LUC7L2: variants seen among roughly 807,000 people sequenced by gnomAD.
LUC7L2 encodes putative RNA-binding protein Luc7-like 2.
A neutral mutation model predicts 52.8 loss-of-function variants in LUC7L2; 25 were observed. The observed-to-expected ratio is 0.47, with a 90% CI of 0.34 to 0.66. The LOEUF is 0.66. Among genes scored for constraint, LUC7L2 ranks in the 30% least tolerant of loss-of-function variants. The pLI, the probability that LUC7L2 is intolerant of heterozygous loss-of-function variation, is 0.01. For missense variants in LUC7L2, 328 were observed against 497.8 expected, an observed-to-expected ratio of 0.66 and a Z score of 3.25; for synonymous variants, 144 against 160.9, an observed-to-expected ratio of 0.89 and a Z score of 0.80.
At chr7:139,414,532 T>A (rs1322730034) in intron 8 of LUC7L2, among the ~76,000 whole-genome samples, 5 of 152,262 alleles carry the variant, frequency 3.3e-5, no homozygotes, top group Admixed American at 3.3e-4. Flanking sequence ...ATGTCTTTTA[T>A]CCCAGAATAT....
At chr7:139,418,833 TG>T (rs551471682) in intron 9 of LUC7L2, among the ~76,000 whole-genome samples, 157 of 152,240 alleles carry the variant, frequency 1.0e-3, no homozygotes, top group Non-Finnish European at 1.7e-3. Flanking sequence ...GTTTCCTATG[TG>T]AGGCTGGGTG....
chr7:139,388,083 C>T (rs1794284443), intron 2 of LUC7L2, among the ~76,000 whole-genome samples: 1 of 152,016 alleles, frequency 6.6e-6, no homozygotes, highest in South Asian at 2.1e-4. Context: ...ATTGCCTTAC[C>T]CTGTAACAAT....
intron 3 of LUC7L2, 96 bp from the exon 4 acceptor site, chr7:139,402,041 G>A (rs937074479): frequency 7.5e-7 from 1 of 1,332,028 alleles, no homozygotes; most frequent in Admixed American, 3.0e-5. Flanking sequence ...CCCCACCATG[G>A]TAGCATTTTA....
At chr7:139,345,596 C>T in intron 1 of LUC7L2, 1 of 1,614,034 alleles carries the variant, frequency 6.2e-7, no homozygotes, top group South Asian at 1.1e-5. Context: ...AACATGTGGC[C>T]CTACATCAGG....
chr7:139,352,726 C>T lies in LUC7L2; in HGVS notation c.-26+12209C>T, dbSNP rs750742127. Among the ~76,000 whole-genome samples, 18 of 152,186 alleles carry T rather than the reference C, an allele frequency of 1.2e-4. No homozygotes were observed. In the South Asian group the frequency reaches 1.5e-3, roughly 12 times the overall value. ...CTTGTCTGGTTAAGTGTTAGAGATA[C>T]AAATATGAACATGTGATAAGAACAA... On this transcript the variant is annotated intron_variant, in intron 1 of 10. Coordinates refer to the LUC7L2 transcript ENST00000541170.
intron 1 of LUC7L2, among the ~76,000 whole-genome samples, chr7:139,354,714 T>TTC (rs1301599920): frequency 2.6e-5 from 4 of 152,314 alleles, no homozygotes; most frequent in African/African-American, 9.6e-5. Flanking sequence ...GAGCTGCACT[T>TTC]TGAGTGAGCT....
chr7:139,369,013 T>C (rs1414349154), intron 1 of LUC7L2, among the ~76,000 whole-genome samples: 1 of 152,210 alleles, frequency 6.6e-6, no homozygotes, highest in East Asian at 1.9e-4. Context: ...TTTATTTCTT[T>C]TCCTTTGGAT....
At chr7:139,419,541 A>G (rs563247317) in intron 9 of LUC7L2, among the ~76,000 whole-genome samples, 1 of 152,328 alleles carries the variant, frequency 6.6e-6, no homozygotes, top group Non-Finnish European at 1.5e-5. Flanking sequence ...AATTTTCAGA[A>G]TTATCCTGCT....
Position 139,360,341 on chromosome 7 carries a change from C to T in LUC7L2, c.61+19C>T, listed in dbSNP as rs757938120. On this transcript the variant is annotated intron_variant, in intron 1 of 9. Transcript: ENST00000354926. ...CGGGACGGTAAGTCTCTGCCAGGGC[C>T]CTGGGGGTGGGGGAGGGGACGGGGA... 5.8e-6 allele frequency: 9 copies of T among 1,554,116 alleles called. No homozygotes were observed. In the Admixed American group the frequency reaches 1.5e-4, roughly 27 times the overall value.
At chr7:139,399,305 A>T (rs1418858233) in intron 3 of LUC7L2, among the ~76,000 whole-genome samples, 1 of 152,006 alleles carries the variant, frequency 6.6e-6, no homozygotes, top group Non-Finnish European at 1.5e-5. Context: ...TTTAAAGTAT[A>T]TGGGAGGATG....
chr7:139,362,419 C>G (rs975324443), intron 1 of LUC7L2, among the ~76,000 whole-genome samples: 2 of 151,598 alleles, frequency 1.3e-5, no homozygotes, highest in Admixed American at 6.6e-5. Context: ...TTCAAGTTAC[C>G]CAGGGATAGG....
chr7:139,393,080 A>G (rs1489119642), intron 2 of LUC7L2, among the ~76,000 whole-genome samples: 2 of 152,028 alleles, frequency 1.3e-5, no homozygotes, highest in Non-Finnish European at 2.9e-5. Context: ...CAGCCAGGCC[A>G]ACATGATGAA....
chr7:139,377,559 A>G (rs930149980), intron 2 of LUC7L2, among the ~76,000 whole-genome samples: 5 of 151,816 alleles, frequency 3.3e-5, no homozygotes, highest in African/African-American at 1.2e-4. Flanking sequence ...ATGCCCAACT[A>G]ATTTTTGTAT....
rs1795974095 is a variant in LUC7L2 at position 139,423,319 on chromosome 7, C to A, written c.*979C>A. 5.0e-6 allele frequency: 2 copies of A among 398,974 alleles called. No homozygotes were observed. 24.7% of individuals were successfully genotyped at this position (398,974 alleles called of 1,614,324 possible). A position where few individuals can be genotyped will look rare whatever the true frequency, so the allele number is the denominator to read the frequency against. On this transcript the variant is annotated 3_prime_UTR_variant, in exon 10 of 10. Transcript: ENST00000354926. ...TTCCAGATGAGCTGTTCATGTGGGC[C>A]CCTTGCTGACTATATTCCAGCCACT... is the stretch of plus-strand genomic sequence containing the variant.
intron 1 of LUC7L2, among the ~76,000 whole-genome samples, chr7:139,342,467 T>C (rs1211190021): frequency 2.0e-5 from 3 of 151,998 alleles, no homozygotes; most frequent in Non-Finnish European, 4.4e-5. Context: ...GTGGGTGAAG[T>C]GGAGGTAGAT....
intron 3 of LUC7L2, among the ~76,000 whole-genome samples, chr7:139,401,764 T>C (rs1794927756): frequency 1.3e-5 from 2 of 151,378 alleles, no homozygotes; most frequent in South Asian, 4.2e-4. Flanking sequence ...CTTTTTTTTT[T>C]TTTTTTAATG....
chr7:139,372,829 T>C (rs1402319879), intron 1 of LUC7L2, among the ~76,000 whole-genome samples: 2 of 152,194 alleles, frequency 1.3e-5, no homozygotes, highest in African/African-American at 4.8e-5. Flanking sequence ...TTTAGCAAAA[T>C]CATTGGCTCC....
chr7:139,362,327 C>T (rs913976019), intron 1 of LUC7L2, among the ~76,000 whole-genome samples: 1 of 151,556 alleles, frequency 6.6e-6, no homozygotes, highest in Non-Finnish European at 1.5e-5. Context: ...TTTTTTCTTA[C>T]CATTTAATGA....
rs1022829931 is a variant in LUC7L2, at chr7:139,423,006, T to C, written c.*666T>C. Reference sequence around the variant, plus strand: ...CAAACGTCTTGATTTTTCTGTTCTGTTGAATTGCTATGTTCAGGATGTTCT... The same window carrying C: ...CAAACGTCTTGATTTTTCTGTTCTGCTGAATTGCTATGTTCAGGATGTTCT... On this transcript the variant is annotated 3_prime_UTR_variant, in exon 10 of 10. Transcript: ENST00000354926. 24 of 398,840 alleles carry C rather than the reference T, an allele frequency of 6.0e-5. No homozygotes were observed. The East Asian group carries it at 8.5e-4, about 14-fold the overall frequency. The allele number at this position is 398,840 out of a possible 1,614,324, so 24.7% of individuals were successfully genotyped here.
Sources: gnomAD v4.1 joint callset for allele counts (sites outside exome capture counted in the v4.1 genomes callset) on GRCh38, gnomAD v4.1.1 for gene constraint, MANE v1.5 for transcripts, NCBI Gene and HGNC (gene_info 2026-07-23, HGNC 2026-07-21) for gene names.